Variants in CNTN1 observed in about 807,000 individuals in gnomAD.
The protein encoded by CNTN1 is contactin-1.
Under a neutral mutation model 126.4 loss-of-function variants are expected in CNTN1, and 38 were observed. The observed-to-expected ratio is 0.30, with a 90% CI of 0.23 to 0.39. CNTN1 has a LOEUF of 0.39. Among genes scored for constraint, CNTN1 ranks in the 10% least tolerant of loss-of-function variants. CNTN1 has a pLI of 1.00. For missense variants in CNTN1, 1,009 were observed against 1,248.4 expected (o/e 0.81, Z 2.89); for synonymous variants, 413 against 422.6 (o/e 0.98, Z 0.28).
At chr12:40,857,688 T>C (rs1942962067) in intron 1 of CNTN1, among the ~76,000 whole-genome samples, 3 of 152,126 alleles carry the variant, frequency 2.0e-5, no homozygotes, top group African/African-American at 7.2e-5. Flanking sequence ...CTAAATGTGT[T>C]TTTGCATACT....
At chr12:40,905,808 A>C (rs906141356) in intron 1 of CNTN1, among the ~76,000 whole-genome samples, 46 of 152,182 alleles carry the variant, frequency 3.0e-4, no homozygotes, top group African/African-American at 1.1e-3. Flanking sequence ...CTATCAGGAC[A>C]AAAAAAGTGA....
At chr12:41,007,910 C>G (rs894793292) in intron 17 of CNTN1, among the ~76,000 whole-genome samples, 10 of 152,292 alleles carry the variant, frequency 6.6e-5, no homozygotes, top group Middle Eastern at 3.4e-3. Context: ...ACAGGCTGCT[C>G]TTTGTTAGAA....
At chr12:40,970,533 A>G (rs1342582494) in intron 15 of CNTN1, among the ~76,000 whole-genome samples, 1 of 152,150 alleles carries the variant, frequency 6.6e-6, no homozygotes, top group Admixed American at 6.6e-5. Context: ...TAGTGGCTAT[A>G]AAATGGTATA....
At chr12:40,731,313 A>C (rs1325193401) in intron 1 of CNTN1, among the ~76,000 whole-genome samples, 1 of 151,944 alleles carries the variant, frequency 6.6e-6, no homozygotes, top group African/African-American at 2.4e-5. Flanking sequence ...TGACAATTCT[A>C]TATTTTTTAA....
In CNTN1 at chr12:41,023,168, T is replaced by G. The variant is rs375345980; in HGVS notation, c.2524-1982T>G. On this transcript the variant is annotated intron_variant, in intron 20 of 23. Transcript: ENST00000551295. ...TTCCCATGAAAATGTACGATGGATC[T>G]CTATTTTTCTGTGTATAAAGATACA... Among the ~76,000 whole-genome samples the G allele has an allele frequency of 8.5e-5, 13 of 152,268 alleles. 1 individual carries two copies. In the East Asian group the frequency reaches 1.9e-3, roughly 23 times the overall value.
At chr12:40,707,055 CACACA>C (rs1941769561) in intron 1 of CNTN1, among the ~76,000 whole-genome samples, 3 of 14,454 alleles carry the variant, frequency 2.1e-4, no homozygotes, top group Non-Finnish European at 3.9e-4. Flanking sequence ...CGCACACACA[CACACA>C]CACACACACA....
chr12:40,969,292 A>G (rs1443414707), intron 15 of CNTN1, among the ~76,000 whole-genome samples: 4 of 152,148 alleles, frequency 2.6e-5, no homozygotes, highest in Non-Finnish European at 5.9e-5. Flanking sequence ...AAACTCAGAA[A>G]AAGCTTTTAC....
chr12:40,942,070 G>T (rs1383411619), intron 12 of CNTN1, among the ~76,000 whole-genome samples: 1 of 152,048 alleles, frequency 6.6e-6, no homozygotes, highest in Non-Finnish European at 1.5e-5. Flanking sequence ...ATTTAAGAAA[G>T]AATCATCATT....
intron 1 of CNTN1, among the ~76,000 whole-genome samples, chr12:40,800,224 G>A (rs1940594258): frequency 6.6e-6 from 1 of 151,826 alleles, no homozygotes; most frequent in African/African-American, 2.4e-5. Flanking sequence ...CATTTCCTCT[G>A]CTTGCAATCA....
Position 41,025,217 on chromosome 12 carries a change from A to G in CNTN1, c.2591A>G (p.Tyr864Cys), listed in dbSNP as rs1949013223. The G allele has an allele frequency of 6.2e-7, 1 of 1,613,970 alleles. No individual in the cohort carries two copies. The highest frequency in any genetic ancestry group is 8.5e-7 in the Non-Finnish European group (1 of 1,179,890). ...AGAGTTCAAGTCACCAGCCAAGAGT[A>G]CTCGGCCAGGCTCGAGAACCTTCTG... Reference protein sequence around the residue: ...ANRVQVTSQEYSARLENLLPD... With the variant: ...ANRVQVTSQECSARLENLLPD... Residue 864 changes from tyrosine (Y) to cysteine (C), a missense_variant, in exon 21 of 24, where the codon TAC becomes TGC. Transcript: ENST00000551295.
chr12:40,966,919 G>A (rs1425808019), intron 15 of CNTN1, among the ~76,000 whole-genome samples: 1 of 152,090 alleles, frequency 6.6e-6, no homozygotes, highest in East Asian at 1.9e-4. Context: ...AAAAGCTCCC[G>A]TGGAGGATTT....
In CNTN1 at chr12:40,789,676, T is replaced by A; in HGVS notation, c.-77+97084T>A. Among the ~76,000 whole-genome samples, 2 of 149,250 alleles carry A rather than the reference T, an allele frequency of 1.3e-5. 1 individual carries two copies. The highest frequency in any genetic ancestry group is 4.0e-4 in the East Asian group (2 of 5,042). The stretch of plus-strand genomic sequence containing the variant: ...AACATTTTGAGATATTTTGAGTTCA[T>A]ATATACCTAAATTTTAATATCCTAT... On this transcript the variant is annotated intron_variant, in intron 1 of 23. Transcript: ENST00000551295.
intron 17 of CNTN1, among the ~76,000 whole-genome samples, chr12:41,008,388 T>G (rs1948556523): frequency 6.6e-6 from 1 of 150,872 alleles, no homozygotes; most frequent in African/African-American, 2.5e-5. Flanking sequence ...TTATCAGAAG[T>G]GTTGATATAA....
intron 1 of CNTN1, among the ~76,000 whole-genome samples, chr12:40,816,890 T>G (rs1941273352): frequency 6.6e-6 from 1 of 152,200 alleles, no homozygotes; most frequent in African/African-American, 2.4e-5. Context: ...CTGCCTTAAT[T>G]TATTTCATTA....
chr12:40,984,420 G>A (rs1419178686), intron 16 of CNTN1, among the ~76,000 whole-genome samples: 1 of 152,156 alleles, frequency 6.6e-6, no homozygotes, highest in Non-Finnish European at 1.5e-5. Flanking sequence ...CATAGTGCCA[G>A]CATCTGCTCC....
intron 1 of CNTN1, among the ~76,000 whole-genome samples, chr12:40,822,436 A>G (rs972552362): frequency 2.6e-5 from 4 of 151,898 alleles, no homozygotes; most frequent in South Asian, 2.1e-4. Flanking sequence ...AAAAAATATT[A>G]TTATACTATC....
chr12:40,740,550 A>G (rs2136380413), intron 1 of CNTN1, among the ~76,000 whole-genome samples: 1 of 152,198 alleles, frequency 6.6e-6, no homozygotes, highest in East Asian at 1.9e-4. Flanking sequence ...GGTAACATGG[A>G]ATAAAAGACA....
chr12:40,735,538 A>T (rs932286072), intron 1 of CNTN1, among the ~76,000 whole-genome samples: 1 of 152,130 alleles, frequency 6.6e-6, no homozygotes, highest in Non-Finnish European at 1.5e-5. Context: ...ATTTTCAAAG[A>T]TATAAGGGAA....
intron 23 of CNTN1, among the ~76,000 whole-genome samples, chr12:41,036,768 C>G (rs11179582): frequency 0.12 from 18,312 of 151,996 alleles, 1,296 homozygotes; most frequent in Non-Finnish European, 0.16. Flanking sequence ...TCTGGATTCC[C>G]AATTATTTTC....
Sources: allele counts gnomAD v4.1 joint callset (sites outside exome capture counted in the v4.1 genomes callset), GRCh38; gene constraint gnomAD v4.1.1; transcripts MANE v1.5; gene names NCBI Gene and HGNC (gene_info 2026-07-23, HGNC 2026-07-21).